OSTF1: variants seen among roughly 807,000 people sequenced by gnomAD.
The protein encoded by OSTF1 is osteoclast-stimulating factor 1.
Under a neutral mutation model 37.2 loss-of-function variants are expected in OSTF1, and 27 were observed. The ratio of observed to expected loss-of-function variants is 0.73; its 90% CI spans 0.54 to 1.00. The LOEUF is 1.00. Ranked by LOEUF, OSTF1 falls within the 50% of genes least tolerant of loss-of-function variation. OSTF1 has a pLI of 0.00. For synonymous variants in OSTF1, 82 were observed against 89.2 expected (o/e 0.92, Z 0.46); for missense variants, 232 against 253.8 (o/e 0.91, Z 0.58).
At chr9:75,089,527 A>G (rs1824908850) in intron 1 of OSTF1, among the ~76,000 whole-genome samples, 1 of 152,176 alleles carries the variant, frequency 6.6e-6, no homozygotes, top group South Asian at 2.1e-4. Flanking sequence ...AAACTGACGT[A>G]TTTTAATTAA....
chr9:75,131,852 T>C (rs375319347), intron 5 of OSTF1, 29 bp downstream of exon 5: 27 of 1,558,308 alleles, frequency 1.7e-5, no homozygotes, highest in Non-Finnish European at 2.2e-5. Flanking sequence ...GACTGAGGTA[T>C]GCAGTACAGT....
intron 9 of OSTF1, among the ~76,000 whole-genome samples, chr9:75,145,488 C>T (rs1826009202): frequency 6.6e-6 from 1 of 152,198 alleles, no homozygotes; most frequent in Non-Finnish European, 1.5e-5. Flanking sequence ...AGATCTGTTA[C>T]TTCACTAAAC....
intron 2 of OSTF1, among the ~76,000 whole-genome samples, chr9:75,123,231 C>T (rs1825608098): frequency 6.6e-6 from 1 of 152,306 alleles, no homozygotes; most frequent in South Asian, 2.1e-4. Flanking sequence ...ACCATCCTGG[C>T]TAACACGGTG....
In OSTF1 at chr9:75,118,065, G is replaced by A. The variant is rs1825520730; in HGVS notation, c.81+515G>A. On this transcript the variant is annotated intron_variant, in intron 2 of 9. Coordinates refer to ENST00000346234, the MANE Select transcript of OSTF1 (RefSeq NM_012383.5). Reference sequence around the variant, plus strand: ...GTCCAGGCCTTGTGACTAGTGCAGGGACAACAGAAAGGATGGTCTCGTAGA... The same window carrying A: ...GTCCAGGCCTTGTGACTAGTGCAGGAACAACAGAAAGGATGGTCTCGTAGA... Among the ~76,000 whole-genome samples, 3 of 152,206 alleles carry A rather than the reference G, an allele frequency of 2.0e-5. No individual in the cohort carries two copies. In the South Asian group the frequency reaches 6.2e-4, roughly 31 times the overall value.
intron 2 of OSTF1, among the ~76,000 whole-genome samples, chr9:75,122,417 G>T (rs964112923): frequency 6.6e-6 from 1 of 152,230 alleles, no homozygotes; most frequent in Non-Finnish European, 1.5e-5. Flanking sequence ...CTAGTGAGTT[G>T]TGAGGACCAA....
intron 1 of OSTF1, among the ~76,000 whole-genome samples, chr9:75,109,023 CTTT>C (rs1057097433): frequency 6.7e-5 from 9 of 135,336 alleles, no homozygotes; most frequent in Admixed American, 2.2e-4. Context: ...CAGGTTTATT[CTTT>C]TTTTTTTTTT....
At position 75,115,644 on chromosome 9, in the gene OSTF1, T is replaced by G. The variant is rs11790185; in HGVS notation, c.35-1860T>G. ...ATTAAAAGAGGACCCCCCCTTTTTTTGTTTTTTTTTTGTTTTTTGTTTTTT... is the reference window on the plus strand; with the variant it reads ...ATTAAAAGAGGACCCCCCCTTTTTTGGTTTTTTTTTTGTTTTTTGTTTTTT... On this transcript the variant is annotated intron_variant, in intron 1 of 9. Transcript: ENST00000346234. Among the ~76,000 whole-genome samples the G allele has an allele frequency of 4.2e-3, 374 of 89,854 alleles. 3 individuals are homozygous for G. The highest frequency in any genetic ancestry group is 0.036 in the East Asian group (140 of 3,850). The allele number at this position is 89,854 out of a possible 152,430, so 58.9% of individuals were successfully genotyped here.
intron 3 of OSTF1, among the ~76,000 whole-genome samples, chr9:75,128,383 TATATATATATATATATATA>T (rs1564164937): frequency 4.0e-4 from 37 of 91,590 alleles, no homozygotes; most frequent in Middle Eastern, 5.1e-3. Flanking sequence ...TATATATATA[TATATATATATATATATATA>T]TATATTTTGT....
intron 6 of OSTF1, 91 bp downstream of exon 6, chr9:75,133,492 G>C: frequency 1.3e-6 from 1 of 761,050 alleles, no homozygotes. Flanking sequence ...GAAAGGAAAA[G>C]CATTGGCTAT....
chr9:75,134,386 G>A lies in OSTF1; in HGVS notation c.399G>A (p.Leu133=). ...EMLFTQPNIE[L]NQQNKLGDTA... is the part of the protein sequence containing the mutation. ...TATTTACTCAACCAAATATTGAACT[G>A]AACCAGCAGGTAAGACTGCTTATTT... The change falls in exon 7 of 10, where the codon CTG becomes CTA. Residue 133 remains leucine (L), a synonymous_variant. Coordinates refer to ENST00000346234, the MANE Select transcript of OSTF1 (RefSeq NM_012383.5). The A allele has an allele frequency of 6.4e-7, 1 of 1,557,676 alleles. No individual in the cohort carries two copies. The highest frequency in any genetic ancestry group is 8.8e-7 in the Non-Finnish European group (1 of 1,133,488).
At chr9:75,106,654 A>G (rs1046269065) in intron 1 of OSTF1, among the ~76,000 whole-genome samples, 14 of 150,102 alleles carry the variant, frequency 9.3e-5, no homozygotes, top group Non-Finnish European at 2.1e-4. Context: ...TCGAAAAAAA[A>G]AAAAAAAAAA....
In OSTF1 at chr9:75,146,815, G is replaced by T. The variant is rs536373616; in HGVS notation, c.*74G>T. The T allele has an allele frequency of 8.1e-6, 9 of 1,106,104 alleles. No individual in the cohort carries two copies. The East Asian group carries it at 1.7e-4, about 20-fold the overall frequency. The allele number at this position is 1,106,104 out of a possible 1,614,324, so 68.5% of individuals were successfully genotyped here. A position where few individuals can be genotyped will look rare whatever the true frequency, so the allele number is the denominator to read the frequency against. On this transcript the variant is annotated 3_prime_UTR_variant, in exon 10 of 10. Coordinates refer to ENST00000346234, the MANE Select transcript of OSTF1 (RefSeq NM_012383.5). The stretch of plus-strand genomic sequence containing the variant: ...CCAAAACTTTGTCTTTGCCAGAAAA[G>T]TGTTGGTAACTATAAAGAAAATTAT...
chr9:75,146,573 G>A, intron 9 of OSTF1, 110 bp from the exon 10 acceptor site: 1 of 748,488 alleles, frequency 1.3e-6, no homozygotes, highest in Non-Finnish European at 2.3e-6. Flanking sequence ...TACAATCCCT[G>A]GGTCAGATGG....
In OSTF1 at chr9:75,146,664, T is replaced by C. The variant is rs375695198; in HGVS notation, c.587-19T>C. 7.5e-6 allele frequency: 12 copies of C among 1,595,036 alleles called. No individual in the cohort carries two copies. Among genetic ancestry groups the C allele is most frequent in the South Asian group, 5.6e-5 (5 of 89,282 alleles). ...TTATAATTTCCCTATTTTGCTTTTT[T>C]CCCTCCTCTTTCTTTCAGATGCAGT... On this transcript the variant is annotated intron_variant, in intron 9 of 9. Transcript: ENST00000346234.
chr9:75,133,247 G>A (rs1825792636), intron 5 of OSTF1, 47 bp from the exon 6 acceptor site: 2 of 1,189,892 alleles, frequency 1.7e-6, no homozygotes, highest in East Asian at 2.3e-5. Context: ...AAAATAAAAA[G>A]TGAAAGCTTT....
intron 1 of OSTF1, among the ~76,000 whole-genome samples, chr9:75,096,984 C>CT (rs1825098072): frequency 6.6e-6 from 1 of 152,070 alleles, no homozygotes; most frequent in African/African-American, 2.4e-5. Flanking sequence ...CTTTTTTGGG[C>CT]TTATTGTTTG....
intron 1 of OSTF1, among the ~76,000 whole-genome samples, chr9:75,111,233 AT>A (rs1441999417): frequency 1.3e-5 from 2 of 152,176 alleles, no homozygotes; most frequent in Non-Finnish European, 2.9e-5. Flanking sequence ...TGCCTGTAGA[AT>A]ATCCTGTTGC....
chr9:75,098,296 A>G (rs576287150), intron 1 of OSTF1, among the ~76,000 whole-genome samples: 2 of 152,324 alleles, frequency 1.3e-5, no homozygotes, highest in African/African-American at 4.8e-5. Flanking sequence ...GGCTTTTCAT[A>G]AGTCCAGATT....
intron 8 of OSTF1, among the ~76,000 whole-genome samples, chr9:75,138,547 A>T (rs1486607306): frequency 6.6e-6 from 1 of 152,246 alleles, no homozygotes; most frequent in Non-Finnish European, 1.5e-5. Flanking sequence ...TGAAACAAAA[A>T]GTAAAACATC....
Sources: gnomAD v4.1 joint callset for allele counts (sites outside exome capture counted in the v4.1 genomes callset) on GRCh38, gnomAD v4.1.1 for gene constraint, MANE v1.5 for transcripts, NCBI Gene and HGNC (gene_info 2026-07-23, HGNC 2026-07-21) for gene names.